The following MIDEAS variants were observed in gnomAD, a reference collection of about 807,000 sequenced individuals.
The protein encoded by MIDEAS is mitotic deacetylase associated SANT domain protein.
Under a neutral mutation model 102.7 loss-of-function variants are expected in MIDEAS, and 26 were observed. The ratio of observed to expected loss-of-function variants is 0.25; its 90% CI spans 0.19 to 0.35. MIDEAS has a LOEUF of 0.35. Among genes scored for constraint, MIDEAS ranks in the 10% least tolerant of loss-of-function variants. The pLI, the probability that MIDEAS is intolerant of heterozygous loss-of-function variation, is 1.00. For missense variants in MIDEAS, 1,231 were observed against 1,435.6 expected (o/e 0.86, Z 2.30); for synonymous variants, 585 against 591.0 (o/e 0.99, Z 0.15).
intron 3 of MIDEAS, among the ~76,000 whole-genome samples, chr14:73,734,733 C>T (rs143381226): frequency 6.6e-6 from 1 of 152,184 alleles, no homozygotes; most frequent in African/African-American, 2.4e-5. Context: ...CACCTGGCCT[C>T]CTGTGCATTT....
intron 1 of MIDEAS, among the ~76,000 whole-genome samples, chr14:73,770,492 G>A (rs1163697286): frequency 6.6e-6 from 1 of 152,156 alleles, no homozygotes; most frequent in African/African-American, 2.4e-5. Context: ...GAAAGAAGAA[G>A]GAATGTAAAC....
Position 73,725,151 on chromosome 14 carries a change from G to A in MIDEAS, c.2574+121C>T, listed in dbSNP as rs1334224368. 1 of 733,992 alleles carries A rather than the reference G, an allele frequency of 1.4e-6. No homozygotes were observed. Among genetic ancestry groups the A allele is most frequent in the African/African-American group, 1.7e-5 (1 of 57,406 alleles). The allele number at this position is 733,992 out of a possible 1,614,324, so 45.5% of individuals were successfully genotyped here. ...GTATTGTTTAGGAAATTCTCTCTGA[G>A]GCTACTCAGTAGCATTGACCTGACT... On this transcript the variant is annotated intron_variant, in intron 9 of 12. Coordinates refer to ENST00000423556, the MANE Select transcript of MIDEAS (RefSeq NM_001367710.1). This position sits in a 1 kb window ranked among gnomAD's most constrained non-coding sequence, Gnocchi z 4.1.
rs747928968 is a variant in MIDEAS, at chr14:73,746,277, A to G, written c.-247-6022T>C. On this transcript the variant is annotated intron_variant, in intron 1 of 12. Coordinates refer to ENST00000423556, the MANE Select transcript of MIDEAS (RefSeq NM_001367710.1). ...AGGGGTGGGGGAGGTGGGGGCTGCT[A>G]ATGCAGAGAGAAAACAGTCATGAGC... Among the ~76,000 whole-genome samples the G allele has an allele frequency of 3.2e-4, 48 of 152,158 alleles. 1 individual carries two copies. The highest frequency in any genetic ancestry group is 1.3e-4 in the Non-Finnish European group (9 of 68,006).
chr14:73,764,194 G>T (rs7493242), upstream of MIDEAS, among the ~76,000 whole-genome samples: 2 of 151,966 alleles, frequency 1.3e-5, no homozygotes, highest in Non-Finnish European at 2.9e-5. Flanking sequence ...ACAAAAGTTA[G>T]CCAGGTGTGA....
chr14:73,726,157 G>T, intron 7 of MIDEAS, 49 bp from the exon 8 acceptor site: 1 of 1,435,606 alleles, frequency 7.0e-7, no homozygotes, highest in South Asian at 1.2e-5. Context: ...GGGTGTCGGT[G>T]GTGGACGGAG....
chr14:73,737,580 C>A (rs1307609639), intron 2 of MIDEAS, among the ~76,000 whole-genome samples: 2 of 152,064 alleles, frequency 1.3e-5, no homozygotes, highest in African/African-American at 4.8e-5. Flanking sequence ...GAGCCGAGAT[C>A]GAACCACTGC....
chr14:73,778,757 C>A (rs2053716256), intron 1 of MIDEAS, among the ~76,000 whole-genome samples: 1 of 152,052 alleles, frequency 6.6e-6, no homozygotes, highest in Non-Finnish European at 1.5e-5. Context: ...CACACCAGGG[C>A]TGGGTCAACC....
At position 73,740,175 on chromosome 14, in the gene MIDEAS, T is replaced by A; in HGVS notation, c.-167A>T. On this transcript the variant is annotated 5_prime_UTR_variant, in exon 2 of 13. Transcript: ENST00000423556. ...GTCGGACACTGGGAGAAAGAACTGC[T>A]GGCTCTTCCTTTCTCTTCCAGAGAG... The A allele has an allele frequency of 1.3e-6, 1 of 777,546 alleles. No homozygotes were observed. Among genetic ancestry groups the A allele is most frequent in the Non-Finnish European group, 1.8e-6 (1 of 562,160 alleles). The allele number at this position is 777,546 out of a possible 1,614,324, so 48.2% of individuals were successfully genotyped here. A position where few individuals can be genotyped will look rare whatever the true frequency, so the allele number is the denominator to read the frequency against.
chr14:73,774,778 G>T (rs2053675098), intron 1 of MIDEAS, among the ~76,000 whole-genome samples: 1 of 151,950 alleles, frequency 6.6e-6, no homozygotes, highest in Admixed American at 6.6e-5. Context: ...GGGAGGCTGG[G>T]GATGTCATGC....
intron 3 of MIDEAS, among the ~76,000 whole-genome samples, chr14:73,734,554 T>C (rs2053179034): frequency 6.6e-6 from 1 of 151,832 alleles, no homozygotes; most frequent in South Asian, 2.1e-4. Context: ...ACTACAGGTG[T>C]GCACCACCAC....
At chr14:73,732,785 CAAAAAA>C (rs57681928) in intron 3 of MIDEAS, among the ~76,000 whole-genome samples, 902 of 46,076 alleles carry the variant, frequency 0.02, 13 homozygotes, top group African/African-American at 0.063. Context: ...GACTCCCTCT[CAAAAAA>C]AAAAAAAAAA....
rs2053084297 is a variant in MIDEAS, at chr14:73,727,786, A to G, written c.2096-262T>C. 3 of 447,884 alleles carry G rather than the reference A, an allele frequency of 6.7e-6. No homozygotes were observed. The Admixed American group carries it at 1.2e-4, about 18-fold the overall frequency. 27.7% of individuals were successfully genotyped at this position (447,884 alleles called of 1,614,324 possible). Reference sequence around the variant, plus strand: ...CTCCTACGGTTAATGTGAGAACTGGATAAAATAATGCACAGAGCCTGGCAC... The same window carrying G: ...CTCCTACGGTTAATGTGAGAACTGGGTAAAATAATGCACAGAGCCTGGCAC... On this transcript the variant is annotated intron_variant, in intron 4 of 12. Coordinates refer to ENST00000423556, the MANE Select transcript of MIDEAS (RefSeq NM_001367710.1).
intron 5 of MIDEAS, 30 bp from the exon 6 acceptor site, chr14:73,727,002 G>A (rs372921747): frequency 7.0e-6 from 11 of 1,562,114 alleles, no homozygotes; most frequent in Non-Finnish European, 8.7e-6. Flanking sequence ...AGGAAGTGAG[G>A]CCTCACCTTG....
At chr14:73,756,537 T>A (rs1178494832) in intron 1 of MIDEAS, among the ~76,000 whole-genome samples, 1 of 152,174 alleles carries the variant, frequency 6.6e-6, no homozygotes, top group Non-Finnish European at 1.5e-5. Context: ...AGAGTTCTCA[T>A]GTGCAGAAAG....
At position 73,742,667 on chromosome 14, in the gene MIDEAS, G is replaced by C. The variant is rs2053297736; in HGVS notation, c.-247-2412C>G. ...TTGAAGAAATCAGGGGGCCTGGTTTGGGGAAGGCTGAATCACCCCAGAAAC... is the reference window on the plus strand; with the variant it reads ...TTGAAGAAATCAGGGGGCCTGGTTTCGGGAAGGCTGAATCACCCCAGAAAC... On this transcript the variant is annotated intron_variant, in intron 1 of 12. Transcript: ENST00000423556. The surrounding 1 kb of genome is among the most constrained non-coding windows in gnomAD (Gnocchi z 4.4). 6.6e-6 allele frequency among the ~76,000 whole-genome samples: 1 copy of C among 152,202 alleles called. No individual in the cohort carries two copies. Among genetic ancestry groups the C allele is most frequent in the African/African-American group, 2.4e-5 (1 of 41,452 alleles).
intron 1 of MIDEAS, among the ~76,000 whole-genome samples, chr14:73,751,588 T>C (rs1187216895): frequency 6.6e-6 from 1 of 152,146 alleles, no homozygotes; most frequent in Non-Finnish European, 1.5e-5. Context: ...CAACTGAGGT[T>C]AGCCAACAGC....
In MIDEAS at chr14:73,719,639, C is replaced by A. The variant is rs2052956205; in HGVS notation, c.2938-138G>T. The A allele has an allele frequency of 6.3e-6, 5 of 796,416 alleles. No individual in the cohort carries two copies. The South Asian group carries it at 8.5e-5, about 14-fold the overall frequency. The allele number at this position is 796,416 out of a possible 1,614,324, so 49.3% of individuals were successfully genotyped here. On this transcript the variant is annotated intron_variant, in intron 11 of 12. Coordinates refer to ENST00000423556, the MANE Select transcript of MIDEAS (RefSeq NM_001367710.1). Reference sequence around the variant, plus strand: ...TCACCTAGCATGCACTTGGGTCCTTCCAGGGATATGACGACCATTGCCTCC... The same window carrying A: ...TCACCTAGCATGCACTTGGGTCCTTACAGGGATATGACGACCATTGCCTCC...
intron 10 of MIDEAS, chr14:73,722,492 T>G (rs527672979): frequency 1.1e-3 from 489 of 457,578 alleles, no homozygotes; most frequent in Non-Finnish European, 1.7e-3. Flanking sequence ...TTACCCTGTG[T>G]ATCAACACAA....
rs1267369076 is a variant in MIDEAS at position 73,759,562 on chromosome 14, C to G, written c.-248+201G>C. Among the ~76,000 whole-genome samples the G allele has an allele frequency of 6.7e-6, 1 of 148,776 alleles. No individual in the cohort carries two copies. Among genetic ancestry groups the G allele is most frequent in the Non-Finnish European group, 1.5e-5 (1 of 66,670 alleles). On this transcript the variant is annotated intron_variant, in intron 1 of 12. Transcript: ENST00000423556. This position sits in a 1 kb window ranked among gnomAD's most constrained non-coding sequence, Gnocchi z 6.7. ...GGGGCGGCGGGCTGCAGGCGGCCCC[C>G]GCACGGCCACACGCGCCCGCTCCAC... is the stretch of plus-strand genomic sequence containing the variant.
Sources: gnomAD v4.1 joint callset for allele counts (sites outside exome capture counted in the v4.1 genomes callset) on GRCh38, gnomAD v4.1.1 for gene constraint, Gnocchi (gnomAD v3.1) non-coding constraint, MANE v1.5 for transcripts, NCBI Gene and HGNC (gene_info 2026-07-23, HGNC 2026-07-21) for gene names.